Variants in SORCS2 observed in about 807,000 individuals in gnomAD.
SORCS2 encodes VPS10 domain-containing receptor SorCS2.
Under a neutral mutation model 141.6 loss-of-function variants are expected in SORCS2, and 100 were observed. The observed-to-expected ratio is 0.71, with a 90% CI of 0.60 to 0.83. The LOEUF is 0.83. Among genes scored for constraint, SORCS2 ranks in the 40% least tolerant of loss-of-function variants. The probability of loss-of-function intolerance (pLI) is 0.00; values close to 1 mark genes in which losing one functional copy is unlikely to be tolerated. For synonymous variants in SORCS2, 789 were observed against 676.9 expected (o/e 1.17, Z -2.57); for missense variants, 1,646 against 1,560.2 (o/e 1.05, Z -0.93).
At chr4:7,336,636 G>A (rs138235696) in intron 1 of SORCS2, among the ~76,000 whole-genome samples, 1,200 of 54,236 alleles carry the variant, frequency 0.022, 277 homozygotes, top group Middle Eastern at 0.054. Flanking sequence ...TGGGTGAGCC[G>A]TGCCCAGAAC....
intron 1 of SORCS2, among the ~76,000 whole-genome samples, chr4:7,373,932 A>G (rs903825406): frequency 6.6e-6 from 1 of 152,154 alleles, no homozygotes; most frequent in African/African-American, 2.4e-5. Flanking sequence ...CTATAGATTA[A>G]TATTTTTTAT....
At chr4:7,427,858 C>CG (rs1553861411) in intron 2 of SORCS2, among the ~76,000 whole-genome samples, 2 of 149,736 alleles carry the variant, frequency 1.3e-5, no homozygotes, top group African/African-American at 2.4e-5. Flanking sequence ...CCCGCCCCCC[C>CG]GCACCAGGCC....
chr4:7,340,235 C>T (rs529246669), intron 1 of SORCS2, among the ~76,000 whole-genome samples: 30 of 152,384 alleles, frequency 2.0e-4, no homozygotes, highest in Admixed American at 5.2e-4. Flanking sequence ...CAGGCCTGTA[C>T]GACCCTCACA....
intron 1 of SORCS2, among the ~76,000 whole-genome samples, chr4:7,241,683 C>T (rs1028556627): frequency 7.2e-5 from 11 of 152,164 alleles, no homozygotes; most frequent in African/African-American, 2.2e-4. Context: ...TGCCAGCACA[C>T]GATGCCATTC....
intron 1 of SORCS2, among the ~76,000 whole-genome samples, chr4:7,264,674 C>G (rs2108830399): frequency 6.6e-6 from 1 of 152,336 alleles, no homozygotes; most frequent in African/African-American, 2.4e-5. Context: ...CTTGCCGGCC[C>G]TGGGGCATTG....
intron 3 of SORCS2, among the ~76,000 whole-genome samples, chr4:7,586,704 A>G (rs192728507): frequency 6.6e-6 from 1 of 152,116 alleles, no homozygotes; most frequent in African/African-American, 2.4e-5. Context: ...GTGTATATGT[A>G]CCACATTTTC....
At chr4:7,429,749 A>C (rs932591459) in intron 2 of SORCS2, among the ~76,000 whole-genome samples, 2 of 152,200 alleles carry the variant, frequency 1.3e-5, no homozygotes, top group Non-Finnish European at 2.9e-5. Flanking sequence ...GCACGTGGAC[A>C]TATCGTGGGT....
In SORCS2 at chr4:7,724,633, G is replaced by GTGATGGTGGTGGTGATGGCGGTGA. The variant is rs1553808554; in HGVS notation, c.2612-512_2612-511insTGGTGATGGCGGTGATGATGGTGG. 1.4e-3 allele frequency among the ~76,000 whole-genome samples: 151 copies of GTGATGGTGGTGGTGATGGCGGTGA among 107,354 alleles called. 3 individuals carry two copies. The highest frequency in any genetic ancestry group is 5.0e-3 in the Middle Eastern group (1 of 202). 70.4% of individuals were successfully genotyped at this position (107,354 alleles called of 152,430 possible). Reference sequence around the variant, plus strand: ...AGTGCTGGTGAGGATGGTGATGGTGGTGATGGTGGAGGTGATGGTGGTAGT... The same window carrying GTGATGGTGGTGGTGATGGCGGTGA: ...AGTGCTGGTGAGGATGGTGATGGTGGTGATGGTGGTGGTGATGGCGGTGATGATGGTGGAGGTGATGGTGGTAGT... On this transcript the variant is annotated intron_variant, in intron 19 of 26. Coordinates refer to ENST00000507866, the MANE Select transcript of SORCS2 (RefSeq NM_020777.3).
At chr4:7,709,050 G>T (rs1424155515) in intron 14 of SORCS2, among the ~76,000 whole-genome samples, 1 of 152,218 alleles carries the variant, frequency 6.6e-6, no homozygotes, top group African/African-American at 2.4e-5. Flanking sequence ...TCCTGCAGCT[G>T]CAGGACCTCC....
At chr4:7,556,242 G>A (rs950015543) in intron 3 of SORCS2, among the ~76,000 whole-genome samples, 2 of 152,156 alleles carry the variant, frequency 1.3e-5, no homozygotes, top group Non-Finnish European at 2.9e-5. Flanking sequence ...CCTTCCTGAA[G>A]CCTGAGACAC....
At chr4:7,317,516 C>G (rs1457597384) in intron 1 of SORCS2, among the ~76,000 whole-genome samples, 1 of 152,216 alleles carries the variant, frequency 6.6e-6, no homozygotes, top group Non-Finnish European at 1.5e-5. Context: ...TGCTCCTGAG[C>G]CCAGGTGGCC....
intron 3 of SORCS2, among the ~76,000 whole-genome samples, chr4:7,538,968 C>A (rs989037663): frequency 1.3e-5 from 2 of 152,192 alleles, no homozygotes; most frequent in African/African-American, 4.8e-5. Flanking sequence ...AAAGTTCAGC[C>A]CTGTTCTCTA....
intron 1 of SORCS2, among the ~76,000 whole-genome samples, chr4:7,357,902 C>T (rs770168680): frequency 6.6e-6 from 1 of 152,140 alleles, no homozygotes. Context: ...TGTCTAAACA[C>T]GGTTCAAATG....
chr4:7,454,969 G>T (rs1481943076), intron 2 of SORCS2, among the ~76,000 whole-genome samples: 2 of 144,262 alleles, frequency 1.4e-5, no homozygotes, highest in African/African-American at 5.2e-5. Context: ...GTCAGGTGCT[G>T]TATTGGGGTC....
At chr4:7,453,806 G>A (rs1338547610) in intron 2 of SORCS2, among the ~76,000 whole-genome samples, 4 of 135,348 alleles carry the variant, frequency 3.0e-5, no homozygotes, top group African/African-American at 1.2e-4. Flanking sequence ...CTGTGTGTTA[G>A]GGTCAGGTGC....
At chr4:7,705,026 G>GT (rs1725331136) in intron 14 of SORCS2, among the ~76,000 whole-genome samples, 4 of 23,002 alleles carry the variant, frequency 1.7e-4, no homozygotes. Context: ...CCAAATTCCT[G>GT]TTTCCCGGAA....
chr4:7,547,381 C>T (rs772340336), intron 3 of SORCS2, among the ~76,000 whole-genome samples: 7 of 152,220 alleles, frequency 4.6e-5, no homozygotes, highest in African/African-American at 7.2e-5. Flanking sequence ...CTGCCATCCC[C>T]GGTCGCATAC....
chr4:7,427,657 G>C (rs754526515), intron 2 of SORCS2, among the ~76,000 whole-genome samples: 1 of 152,080 alleles, frequency 6.6e-6, no homozygotes, highest in East Asian at 1.9e-4. Context: ...GATCTGCTTC[G>C]TGTGAGACTC....
intron 25 of SORCS2, among the ~76,000 whole-genome samples, chr4:7,736,362 G>A (rs909505423): frequency 6.6e-6 from 1 of 152,198 alleles, no homozygotes; most frequent in Non-Finnish European, 1.5e-5. Flanking sequence ...CACAGGTCCC[G>A]CCCCACCCCA....
Sources: allele counts gnomAD v4.1 joint callset (sites outside exome capture counted in the v4.1 genomes callset), GRCh38; gene constraint gnomAD v4.1.1; transcripts MANE v1.5; gene names NCBI Gene and HGNC (gene_info 2026-07-23, HGNC 2026-07-21).